Variants in HPSE2 observed in about 807,000 individuals in gnomAD.
The protein encoded by HPSE2 is heparanase 2 (inactive).
In HPSE2, 38 loss-of-function variants were observed where a neutral mutation model predicts 60.5. That is an observed-to-expected ratio of 0.63 (90% CI 0.48 to 0.82). The LOEUF is 0.82. Among genes scored for constraint, HPSE2 ranks in the 40% least tolerant of loss-of-function variants. The pLI is 0.00. For missense variants in HPSE2, 713 were observed against 740.4 expected, an observed-to-expected ratio of 0.96 and a Z score of 0.43; for synonymous variants, 295 against 293.2, an observed-to-expected ratio of 1.01 and a Z score of -0.06.
chr10:98,465,479 A>G (rs1270622972), intron 11 of HPSE2, among the ~76,000 whole-genome samples: 1 of 152,206 alleles, frequency 6.6e-6, no homozygotes, highest in African/African-American at 2.4e-5. Context: ...TGTGATTGCT[A>G]AAGAGCCCCA....
intron 11 of HPSE2, among the ~76,000 whole-genome samples, chr10:98,471,407 G>A (rs1366930574): frequency 6.6e-6 from 1 of 152,066 alleles, no homozygotes; most frequent in Non-Finnish European, 1.5e-5. Flanking sequence ...ACCACGGGTA[G>A]AAGAAGGGGC....
chr10:99,313,167 G>A, the HPSE2 span, among the ~76,000 whole-genome samples: 18 of 152,254 alleles, frequency 1.2e-4, no homozygotes, highest in Middle Eastern at 6.8e-3. Context: ...CCAGCCTGAG[G>A]TATTGCTTTC....
chr10:98,507,795 T>A (rs1299966191), intron 9 of HPSE2, among the ~76,000 whole-genome samples: 1 of 152,178 alleles, frequency 6.6e-6, no homozygotes, highest in Non-Finnish European at 1.5e-5. Flanking sequence ...TCCCTCCCCA[T>A]CTTTCTTTCA....
intron 3 of HPSE2, among the ~76,000 whole-genome samples, chr10:98,959,111 T>G (rs371472924): frequency 1.3e-5 from 2 of 152,122 alleles, no homozygotes; most frequent in African/African-American, 4.8e-5. Context: ...TATTTACTAT[T>G]ATTCCAAGAA....
chr10:98,553,795 C>T (rs146618985), intron 9 of HPSE2, among the ~76,000 whole-genome samples: 102 of 152,256 alleles, frequency 6.7e-4, no homozygotes, highest in African/African-American at 2.2e-3. Context: ...TATTTTGTTT[C>T]TCTCTTTTCT....
At chr10:98,483,126 A>G (rs1591248366) in intron 10 of HPSE2, among the ~76,000 whole-genome samples, 1 of 152,238 alleles carries the variant, frequency 6.6e-6, no homozygotes, top group African/African-American at 2.4e-5. Context: ...AGAAAAAGAA[A>G]ATTCCCCATA....
intron 2 of HPSE2, among the ~76,000 whole-genome samples, chr10:99,193,770 G>A (rs943451305): frequency 6.6e-6 from 1 of 152,030 alleles, no homozygotes; most frequent in Non-Finnish European, 1.5e-5. Flanking sequence ...TAACACTGGA[G>A]CACCTGATAT....
chr10:99,148,691 G>A (rs1846146726), intron 2 of HPSE2, among the ~76,000 whole-genome samples: 1 of 152,110 alleles, frequency 6.6e-6, no homozygotes, highest in Non-Finnish European at 1.5e-5. Context: ...TCGGGAGGCT[G>A]AGGCAGAAGA....
the HPSE2 span, among the ~76,000 whole-genome samples, chr10:99,252,645 G>A: frequency 6.6e-6 from 1 of 152,134 alleles, no homozygotes; most frequent in Non-Finnish European, 1.5e-5. Flanking sequence ...GGGAGGCTGA[G>A]GTGGGTAGAT....
intron 3 of HPSE2, among the ~76,000 whole-genome samples, chr10:99,001,573 A>C (rs1214103837): frequency 2.0e-5 from 3 of 152,092 alleles, no homozygotes; most frequent in Admixed American, 6.6e-5. Flanking sequence ...AATAGATTTT[A>C]CCTTTAAATT....
intron 3 of HPSE2, among the ~76,000 whole-genome samples, chr10:98,921,714 T>C (rs1247274917): frequency 6.6e-6 from 1 of 152,102 alleles, no homozygotes; most frequent in Non-Finnish European, 1.5e-5. Context: ...CCTTTCATAT[T>C]CCCCAGCAGC....
chr10:98,726,665 T>TAATAAA (rs1949091782), intron 4 of HPSE2, among the ~76,000 whole-genome samples: 1 of 141,324 alleles, frequency 7.1e-6, no homozygotes, highest in East Asian at 2.0e-4. Flanking sequence ...ATAATAATAA[T>TAATAAA]AAAAGAAATA....
At chr10:98,648,977 G>C (rs189528819) in intron 6 of HPSE2, among the ~76,000 whole-genome samples, 1 of 152,008 alleles carries the variant, frequency 6.6e-6, no homozygotes, top group East Asian at 1.9e-4. Flanking sequence ...ACAACTCTCA[G>C]CACTCATAGG....
At chr10:99,164,451 C>A (rs1846984914) in intron 2 of HPSE2, among the ~76,000 whole-genome samples, 1 of 150,976 alleles carries the variant, frequency 6.6e-6, no homozygotes, top group Non-Finnish European at 1.5e-5. Flanking sequence ...ACAAATGTCC[C>A]AGTCTCATCT....
chr10:99,145,631 A>C (rs902402075), intron 2 of HPSE2, among the ~76,000 whole-genome samples: 1 of 152,196 alleles, frequency 6.6e-6, no homozygotes, highest in Admixed American at 6.5e-5. Context: ...CAAGTTTTGC[A>C]TAACAAAACT....
chr10:98,697,903 A>C (rs1240852351), intron 5 of HPSE2, among the ~76,000 whole-genome samples: 2 of 151,822 alleles, frequency 1.3e-5, no homozygotes, highest in East Asian at 3.9e-4. Flanking sequence ...AGGCCATTAC[A>C]TAATGGTAAA....
At chr10:99,160,100 C>A in intron 2 of HPSE2, among the ~76,000 whole-genome samples, 1 of 149,318 alleles carries the variant, frequency 6.7e-6, no homozygotes, top group Non-Finnish European at 1.5e-5. Flanking sequence ...AAGAATGCAC[C>A]ACTGCACTCT....
chr10:98,736,785 A>C (rs2134303342), intron 4 of HPSE2, among the ~76,000 whole-genome samples: 1 of 152,312 alleles, frequency 6.6e-6, no homozygotes, highest in South Asian at 2.1e-4. Flanking sequence ...TTTGTTCTGT[A>C]TATTCACTCT....
intron 3 of HPSE2, among the ~76,000 whole-genome samples, chr10:98,953,553 T>A (rs900452039): frequency 1.3e-5 from 2 of 152,134 alleles, no homozygotes; most frequent in African/African-American, 2.4e-5. Flanking sequence ...TAGCCCTGCT[T>A]GAGGGCTGTG....
Sources: gnomAD v4.1 joint callset for allele counts (sites outside exome capture counted in the v4.1 genomes callset) on GRCh38, gnomAD v4.1.1 for gene constraint, MANE v1.5 for transcripts, NCBI Gene and HGNC (gene_info 2026-07-23, HGNC 2026-07-21) for gene names.